Variants in RANBP17 observed in about 807,000 individuals in gnomAD.
RANBP17 encodes the protein ran-binding protein 17.
A neutral mutation model predicts 141.2 loss-of-function variants in RANBP17; 158 were observed. That is an observed-to-expected ratio of 1.12 (90% confidence interval 0.98 to 1.28). RANBP17 has a LOEUF of 1.28. Ranked by LOEUF, RANBP17 falls within the 50% of genes most tolerant of loss-of-function variation. The probability of loss-of-function intolerance (pLI) is 0.00; values close to 1 mark genes in which losing one functional copy is unlikely to be tolerated. For synonymous variants in RANBP17, 430 were observed against 450.0 expected, an observed-to-expected ratio of 0.96 and a Z score of 0.56; for missense variants, 1,438 against 1,290.7, an observed-to-expected ratio of 1.11 and a Z score of -1.75.
chr5:170,963,733 G>A (rs1776312452), intron 13 of RANBP17, among the ~76,000 whole-genome samples: 1 of 152,160 alleles, frequency 6.6e-6, no homozygotes, highest in African/African-American at 2.4e-5. Context: ...CTTGCTCATT[G>A]CCCACCTCCT....
At chr5:171,287,662 CTTTGGTCTGTCTT>C (rs370936202) in intron 25 of RANBP17, among the ~76,000 whole-genome samples, 233 of 151,300 alleles carry the variant, frequency 1.5e-3, no homozygotes, top group African/African-American at 5.3e-3. Context: ...CTCACCTTTT[CTTTGGTCTGTCTT>C]TTTGGTCTGT....
intron 3 of RANBP17, 55 bp from the exon 4 acceptor site, chr5:170,892,332 C>A: frequency 1.5e-5 from 5 of 332,774 alleles, no homozygotes; most frequent in South Asian, 5.3e-5. Flanking sequence ...TCATATGATT[C>A]ACACTATGTT....
At chr5:171,041,828 C>T (rs1484196293) in intron 14 of RANBP17, among the ~76,000 whole-genome samples, 3 of 151,988 alleles carry the variant, frequency 2.0e-5, no homozygotes, top group Non-Finnish European at 4.4e-5. Context: ...GTTTGCTGCA[C>T]CTATCAACCC....
At position 171,227,284 on chromosome 5, in the gene RANBP17, C is replaced by G. The variant is rs542388122; in HGVS notation, c.2422+5444C>G. Reference sequence around the variant, plus strand: ...AAAGAAATTAAAAATTCTACACTAGCAAACACACAAATGATAAAAAAGTGA... The same window carrying G: ...AAAGAAATTAAAAATTCTACACTAGGAAACACACAAATGATAAAAAAGTGA... On this transcript the variant is annotated intron_variant, in intron 22 of 27. Coordinates refer to ENST00000523189, the MANE Select transcript of RANBP17 (RefSeq NM_022897.5). 3.3e-5 allele frequency among the ~76,000 whole-genome samples: 5 copies of G among 152,352 alleles called. No individual in the cohort carries two copies. In the East Asian group the frequency reaches 9.6e-4, roughly 29 times the overall value.
At chr5:170,949,618 T>A (rs1176256792) in intron 12 of RANBP17, among the ~76,000 whole-genome samples, 2 of 152,192 alleles carry the variant, frequency 1.3e-5, no homozygotes, top group South Asian at 2.1e-4. Context: ...CATACATTGC[T>A]GGTGGGAATG....
chr5:171,065,264 A>G (rs1172650937), intron 14 of RANBP17, among the ~76,000 whole-genome samples: 1 of 151,870 alleles, frequency 6.6e-6, no homozygotes, highest in Non-Finnish European at 1.5e-5. Flanking sequence ...GGCACTAGGG[A>G]CCAGGTTCAT....
chr5:171,069,180 A>G (rs1784492621), intron 14 of RANBP17, among the ~76,000 whole-genome samples: 1 of 152,138 alleles, frequency 6.6e-6, no homozygotes, highest in South Asian at 2.1e-4. Flanking sequence ...AGGGGATTGA[A>G]ACATTGCTGG....
chr5:171,137,179 G>T (rs1459554910), intron 14 of RANBP17, among the ~76,000 whole-genome samples: 1 of 152,122 alleles, frequency 6.6e-6, no homozygotes, highest in Non-Finnish European at 1.5e-5. Flanking sequence ...TTTTCCACAT[G>T]AAAGTATTTA....
chr5:170,993,608 A>G (rs1002315643), intron 14 of RANBP17, among the ~76,000 whole-genome samples: 1 of 152,084 alleles, frequency 6.6e-6, no homozygotes, highest in African/African-American at 2.4e-5. Context: ...GTTTTAGGAA[A>G]GTTTTGACAT....
At chr5:171,121,994 T>C (rs1756072347) in intron 14 of RANBP17, among the ~76,000 whole-genome samples, 1 of 152,172 alleles carries the variant, frequency 6.6e-6, no homozygotes, top group Non-Finnish European at 1.5e-5. Flanking sequence ...GCTCAGGGAT[T>C]GAGAGGACTG....
intron 2 of RANBP17, among the ~76,000 whole-genome samples, chr5:170,880,539 A>G (rs909632551): frequency 2.6e-5 from 4 of 152,148 alleles, no homozygotes; most frequent in Non-Finnish European, 5.9e-5. Flanking sequence ...CATTTTTTAT[A>G]TTTGTAAAGA....
At chr5:171,089,245 G>A (rs575484461) in intron 14 of RANBP17, among the ~76,000 whole-genome samples, 3 of 107,110 alleles carry the variant, frequency 2.8e-5, no homozygotes, top group Non-Finnish European at 6.6e-5. Flanking sequence ...GCCCCTGCTG[G>A]GGGGGGCCTC....
chr5:170,929,482 AC>A (rs1408074581), intron 12 of RANBP17, among the ~76,000 whole-genome samples: 1 of 152,058 alleles, frequency 6.6e-6, no homozygotes, highest in African/African-American at 2.4e-5. Context: ...TATTCAAATG[AC>A]TTTTTTCCTT....
At chr5:170,948,703 C>T (rs1161835439) in intron 12 of RANBP17, among the ~76,000 whole-genome samples, 1 of 152,176 alleles carries the variant, frequency 6.6e-6, no homozygotes, top group African/African-American at 2.4e-5. Flanking sequence ...GATTGACAAA[C>T]TGTTCCTAAA....
intron 14 of RANBP17, among the ~76,000 whole-genome samples, chr5:171,045,821 A>G (rs1318174347): frequency 3.9e-5 from 6 of 152,140 alleles, no homozygotes; most frequent in Non-Finnish European, 8.8e-5. Flanking sequence ...CCCTGAGATA[A>G]ATAAATAAAC....
chr5:170,919,543 G>A lies in RANBP17; in HGVS notation c.1204G>A (p.Asp402Asn). 6.2e-7 allele frequency: 1 copy of A among 1,611,858 alleles called. No homozygotes were observed. Among genetic ancestry groups the A allele is most frequent in the Non-Finnish European group, 8.5e-7 (1 of 1,179,086 alleles). The change falls in exon 11 of 28, where the codon GAC becomes AAC. Residue 402 changes from aspartate (D) to asparagine (N), a missense_variant. Coordinates refer to ENST00000523189, the MANE Select transcript of RANBP17 (RefSeq NM_022897.5). The part of the protein sequence containing the change: ...FVKSTEPHLL[D>N]TYAPEITKAF... ...GAAATCAACTGAACCCCACCTATTAGACACTTATGCACCAGAAATCACGAA... is the reference window on the plus strand; with the variant it reads ...GAAATCAACTGAACCCCACCTATTAAACACTTATGCACCAGAAATCACGAA...
chr5:170,895,018 A>G (rs1038116462), intron 4 of RANBP17, among the ~76,000 whole-genome samples: 2 of 152,180 alleles, frequency 1.3e-5, no homozygotes, highest in African/African-American at 2.4e-5. Context: ...GGTTCTAGCA[A>G]TTGGTCAGGG....
intron 14 of RANBP17, among the ~76,000 whole-genome samples, chr5:170,978,054 C>G (rs983035633): frequency 6.6e-6 from 1 of 151,942 alleles, no homozygotes; most frequent in Non-Finnish European, 1.5e-5. Context: ...CAGAAGATTT[C>G]AACAAGCACT....
chr5:171,183,150 T>C lies in RANBP17; in HGVS notation c.1866-17T>C, dbSNP rs759537828. 7.5e-7 allele frequency: 1 copy of C among 1,330,976 alleles called. No individual in the cohort carries two copies. Among genetic ancestry groups the C allele is most frequent in the South Asian group, 1.2e-5 (1 of 83,740 alleles). The allele number at this position is 1,330,976 out of a possible 1,614,324, so 82.4% of individuals were successfully genotyped here. ...ATATTACAAATATATTTCCTTAGAT[T>C]CCTTAACTTCTATTACTTATATCCT... On this transcript the variant is annotated splice_polypyrimidine_tract_variant and intron_variant, in intron 16 of 27. Coordinates refer to ENST00000523189, the MANE Select transcript of RANBP17 (RefSeq NM_022897.5).
Sources: allele counts gnomAD v4.1 joint callset (sites outside exome capture counted in the v4.1 genomes callset), GRCh38; gene constraint gnomAD v4.1.1; transcripts MANE v1.5; gene names NCBI Gene and HGNC (gene_info 2026-07-23, HGNC 2026-07-21).